PCNX2: variants seen among roughly 807,000 people sequenced by gnomAD.
The protein encoded by PCNX2 is pecanex 2, also known as pecanex-like protein 2.
Under a neutral mutation model 223.8 loss-of-function variants are expected in PCNX2, and 168 were observed. That is an observed-to-expected ratio of 0.75 (90% CI 0.66 to 0.85). PCNX2 has a LOEUF of 0.85. PCNX2 is among the 40% of genes least tolerant of loss of function. The pLI, the probability that PCNX2 is intolerant of heterozygous loss-of-function variation, is 0.00. For synonymous variants in PCNX2, 1,006 were observed against 1,052.6 expected (o/e 0.96, Z 0.86); for missense variants, 2,507 against 2,675.5 (o/e 0.94, Z 1.39).
intron 9 of PCNX2, among the ~76,000 whole-genome samples, chr1:233,230,456 T>A (rs1657997357): frequency 6.6e-6 from 1 of 152,214 alleles, no homozygotes; most frequent in Non-Finnish European, 1.5e-5. Flanking sequence ...GATGTTTATG[T>A]CTCTGATTCA....
At chr1:233,152,027 C>T (rs957840566) in intron 19 of PCNX2, among the ~76,000 whole-genome samples, 2 of 152,204 alleles carry the variant, frequency 1.3e-5, no homozygotes, top group African/African-American at 4.8e-5. Context: ...CACTGCCAAA[C>T]CCCTGCGGCC....
At chr1:233,057,416 G>A in intron 23 of PCNX2, 126 bp from the exon 24 acceptor site, 1 of 733,078 alleles carries the variant, frequency 1.4e-6, no homozygotes, top group East Asian at 2.8e-5. Flanking sequence ...TAAGACGATT[G>A]CTGTAGTTTT....
At chr1:233,286,954 G>A (rs150127663) in intron 1 of PCNX2, among the ~76,000 whole-genome samples, 333 of 152,274 alleles carry the variant, frequency 2.2e-3, no homozygotes, top group African/African-American at 3.0e-3. Context: ...CACATTCTGC[G>A]ATCTAAATCA....
At chr1:233,047,226 C>T (rs1198785681) in intron 25 of PCNX2, 1 of 366,458 alleles carries the variant, frequency 2.7e-6, no homozygotes, top group Non-Finnish European at 3.8e-6. Flanking sequence ...CATTGCTATC[C>T]TAAACCACGA....
Position 232,999,295 on chromosome 1 carries a change from T to C in PCNX2, c.5413A>G (p.Ser1805Gly). Residue 1805 changes from serine (S) to glycine (G), a missense_variant, in exon 31 of 34, where the codon AGT becomes GGT. Ser to Gly is a moderately conservative substitution (Grantham distance 56). Transcript: ENST00000258229. ...AGGACCTGCTTATTGTTCTGGATAC[T>C]GCCGCGCTCCGGATTGCGGTTGCGA... ...FLRNRNPERGSIQNNKQVLRN... is the reference protein window; with the variant it reads ...FLRNRNPERGGIQNNKQVLRN... The C allele has an allele frequency of 6.2e-7, 1 of 1,611,462 alleles. No individual in the cohort carries two copies. Among genetic ancestry groups the C allele is most frequent in the Non-Finnish European group, 8.5e-7 (1 of 1,178,740 alleles).
At chr1:233,102,487 T>A (rs11580772) in intron 21 of PCNX2, among the ~76,000 whole-genome samples, 26,156 of 152,122 alleles carry the variant, frequency 0.17, 2,347 homozygotes, top group East Asian at 0.25. Flanking sequence ...ATTCATTCAC[T>A]TTCCCGCCAA....
chr1:233,208,218 C>T (rs1681597894), intron 13 of PCNX2, among the ~76,000 whole-genome samples: 1 of 152,138 alleles, frequency 6.6e-6, no homozygotes, highest in Non-Finnish European at 1.5e-5. Context: ...CTCGGCCTCC[C>T]GAAGTGCTAG....
At chr1:233,147,569 A>G (rs914646803) in intron 19 of PCNX2, among the ~76,000 whole-genome samples, 2 of 148,606 alleles carry the variant, frequency 1.3e-5, no homozygotes, top group African/African-American at 5.2e-5. Flanking sequence ...AGCACTAGGT[A>G]TAACTTTTAC....
intron 8 of PCNX2, among the ~76,000 whole-genome samples, chr1:233,248,120 C>T (rs73111126): frequency 0.012 from 1,885 of 152,242 alleles, 32 homozygotes; most frequent in African/African-American, 0.043. Context: ...GGGAAAGTTG[C>T]TTGCAAAAAA....
chr1:233,211,894 G>T, intron 12 of PCNX2: 1 of 826,970 alleles, frequency 1.2e-6, no homozygotes, highest in Non-Finnish European at 1.5e-6. Flanking sequence ...ACTCTGGGCA[G>T]AGAAAAGGGC....
chr1:233,183,085 G>C (rs1474571276), intron 15 of PCNX2, among the ~76,000 whole-genome samples: 1 of 152,102 alleles, frequency 6.6e-6, no homozygotes, highest in Non-Finnish European at 1.5e-5. Flanking sequence ...GTATGAAAAC[G>C]ACCTGCAATA....
intron 10 of PCNX2, among the ~76,000 whole-genome samples, chr1:233,226,111 T>C (rs773054675): frequency 4.9e-4 from 75 of 152,228 alleles, no homozygotes; most frequent in Admixed American, 2.9e-3. Context: ...CAATTGCTTA[T>C]GGCAGCATTA....
the PCNX2 span, among the ~76,000 whole-genome samples, chr1:233,315,521 C>T: frequency 6.6e-6 from 1 of 152,058 alleles, no homozygotes; most frequent in African/African-American, 2.4e-5. Flanking sequence ...TGAATAAAAT[C>T]TCAAGGTCTC....
intron 25 of PCNX2, among the ~76,000 whole-genome samples, chr1:233,027,261 G>A (rs1261257506): frequency 6.6e-6 from 1 of 152,154 alleles, no homozygotes; most frequent in Admixed American, 6.5e-5. Flanking sequence ...TTTGCAAGAC[G>A]GGTTGTGGTG....
intron 1 of PCNX2, among the ~76,000 whole-genome samples, chr1:233,265,880 A>G (rs771114378): frequency 6.6e-6 from 1 of 152,240 alleles, no homozygotes; most frequent in Non-Finnish European, 1.5e-5. Context: ...GCATGCCCCA[A>G]TATTCAGAGA....
intron 23 of PCNX2, among the ~76,000 whole-genome samples, chr1:233,080,385 T>TAC (rs1256033064): frequency 5.7e-5 from 8 of 141,228 alleles, no homozygotes; most frequent in South Asian, 2.2e-4. Flanking sequence ...TTTTCATCCA[T>TAC]ACACACACAC....
chr1:233,048,985 A>T (rs1671908250), intron 25 of PCNX2, among the ~76,000 whole-genome samples: 1 of 152,194 alleles, frequency 6.6e-6, no homozygotes, highest in South Asian at 2.1e-4. Context: ...AAACAGACCA[A>T]TATTGAGTTC....
intron 15 of PCNX2, among the ~76,000 whole-genome samples, chr1:233,193,939 T>C (rs139556716): frequency 4.6e-4 from 70 of 151,990 alleles, no homozygotes; most frequent in African/African-American, 1.6e-3. Context: ...TGATCTAACA[T>C]GTATATAATT....
chr1:233,181,006 C>A (rs949971668), intron 15 of PCNX2: 1 of 152,180 alleles, frequency 6.6e-6, no homozygotes. Flanking sequence ...AAAGCTCAAA[C>A]CCAGTGATGA....
Sources: gnomAD v4.1 joint callset for allele counts (sites outside exome capture counted in the v4.1 genomes callset) on GRCh38, gnomAD v4.1.1 for gene constraint, MANE v1.5 for transcripts, NCBI Gene and HGNC (gene_info 2026-07-23, HGNC 2026-07-21) for gene names.